Variants in NFXL1 observed in about 807,000 individuals in gnomAD.
NFXL1 encodes NF-X1-type zinc finger protein NFXL1.
In NFXL1, 66 loss-of-function variants were observed where a neutral mutation model predicts 123.3. That is an observed-to-expected ratio of 0.54 (90% CI 0.44 to 0.66). NFXL1 has a LOEUF of 0.66. Ranked by LOEUF, NFXL1 falls within the 30% of genes least tolerant of loss-of-function variation. The probability of loss-of-function intolerance (pLI) is 0.00; values close to 1 mark genes in which losing one functional copy is unlikely to be tolerated. For synonymous variants in NFXL1, 346 were observed against 360.8 expected (o/e 0.96, Z 0.46); for missense variants, 944 against 1,125.6 (o/e 0.84, Z 2.31).
intron 15 of NFXL1, among the ~76,000 whole-genome samples, chr4:47,880,807 TAAAA>T (rs57880960): frequency 9.1e-4 from 72 of 78,812 alleles, no homozygotes; most frequent in African/African-American, 3.0e-3. Flanking sequence ...AATTAATGAG[TAAAA>T]AAAAAAAAAA....
intron 18 of NFXL1, among the ~76,000 whole-genome samples, chr4:47,865,500 AAC>A (rs1491331206): frequency 0.066 from 4,953 of 74,674 alleles, 256 homozygotes; most frequent in African/African-American, 0.18. Flanking sequence ...AAAAAAAAAA[AAC>A]AACTCCTGAG....
chr4:47,884,146 A>G (rs948655645), intron 15 of NFXL1, among the ~76,000 whole-genome samples, 200 bp downstream of exon 15: 4 of 152,226 alleles, frequency 2.6e-5, no homozygotes, highest in Admixed American at 6.5e-5. Flanking sequence ...TCAAAAAAAG[A>G]TATCTATAGT....
At chr4:47,860,771 T>G (rs924098479) in intron 19 of NFXL1, among the ~76,000 whole-genome samples, 1 of 152,214 alleles carries the variant, frequency 6.6e-6, no homozygotes, top group Non-Finnish European at 1.5e-5. Flanking sequence ...GTATCACTAT[T>G]GCTTACTATT....
chr4:47,913,540 G>A (rs1737949022), intron 2 of NFXL1, among the ~76,000 whole-genome samples: 1 of 152,206 alleles, frequency 6.6e-6, no homozygotes, highest in Non-Finnish European at 1.5e-5. Flanking sequence ...TGACTCAGCC[G>A]AGCTGACTGT....
chr4:47,911,340 T>A (rs1737819610), intron 2 of NFXL1, among the ~76,000 whole-genome samples: 1 of 152,224 alleles, frequency 6.6e-6, no homozygotes, highest in Non-Finnish European at 1.5e-5. Context: ...TGTTTTAAAG[T>A]ACATTGTGCA....
intron 18 of NFXL1, among the ~76,000 whole-genome samples, chr4:47,869,585 T>A (rs1347986589): frequency 5.3e-5 from 8 of 152,154 alleles, no homozygotes; most frequent in Admixed American, 2.0e-4. Flanking sequence ...TATACATGAA[T>A]ATATGGAATA....
intron 17 of NFXL1, among the ~76,000 whole-genome samples, chr4:47,877,776 A>G (rs945439477): frequency 1.3e-5 from 2 of 152,122 alleles, no homozygotes; most frequent in Non-Finnish European, 2.9e-5. Flanking sequence ...TTTCAATAAC[A>G]TAAGTCATAT....
At chr4:47,866,513 T>C (rs1656839541) in intron 18 of NFXL1, among the ~76,000 whole-genome samples, 1 of 152,206 alleles carries the variant, frequency 6.6e-6, no homozygotes, top group Non-Finnish European at 1.5e-5. Context: ...CAAAGCCTTT[T>C]TGCTGATGAA....
intron 18 of NFXL1, among the ~76,000 whole-genome samples, chr4:47,863,806 C>T (rs1734899673): frequency 6.6e-6 from 1 of 152,074 alleles, no homozygotes; most frequent in African/African-American, 2.4e-5. Flanking sequence ...AAGGAATAAA[C>T]CTACTTTCCA....
intron 19 of NFXL1, 72 bp downstream of exon 19, chr4:47,862,774 A>C: frequency 1.1e-6 from 1 of 883,700 alleles, no homozygotes; most frequent in Non-Finnish European, 1.8e-6. Flanking sequence ...AATTTGACCA[A>C]ACAAGAAAAA....
At chr4:47,853,850 A>G (rs940419913) in intron 20 of NFXL1, among the ~76,000 whole-genome samples, 4 of 152,076 alleles carry the variant, frequency 2.6e-5, no homozygotes, top group Non-Finnish European at 5.9e-5. Context: ...CACTTTTTCC[A>G]TAAGTGATGA....
At chr4:47,905,209 A>G (rs376047154) in intron 4 of NFXL1, 28 bp downstream of exon 4, 2 of 936,446 alleles carry the variant, frequency 2.1e-6, no homozygotes, top group Non-Finnish European at 1.7e-6. Flanking sequence ...GGGGAGATAC[A>G]TTAATATAAA....
At chr4:47,881,944 T>C (rs1289262620) in intron 15 of NFXL1, among the ~76,000 whole-genome samples, 1 of 152,166 alleles carries the variant, frequency 6.6e-6, no homozygotes, top group Non-Finnish European at 1.5e-5. Context: ...AACTATTCTG[T>C]ATGAAACTAT....
chr4:47,910,506 C>T (rs1737776104), intron 3 of NFXL1, among the ~76,000 whole-genome samples: 1 of 152,006 alleles, frequency 6.6e-6, no homozygotes, highest in South Asian at 2.1e-4. Flanking sequence ...TCATCACAAC[C>T]AGAAAAAACT....
intron 19 of NFXL1, among the ~76,000 whole-genome samples, chr4:47,855,806 T>C (rs1451722764): frequency 1.3e-5 from 2 of 152,170 alleles, no homozygotes; most frequent in African/African-American, 2.4e-5. Flanking sequence ...AACTCAGTAA[T>C]TGCCATGATG....
chr4:47,879,747 G>A (rs1237685956), intron 15 of NFXL1, among the ~76,000 whole-genome samples: 1 of 152,172 alleles, frequency 6.6e-6, no homozygotes, highest in African/African-American at 2.4e-5. Flanking sequence ...GAAGAGAACA[G>A]AGAGACCAGA....
At chr4:47,867,295 G>A (rs575074565) in intron 18 of NFXL1, among the ~76,000 whole-genome samples, 28 of 151,796 alleles carry the variant, frequency 1.8e-4, no homozygotes, top group African/African-American at 6.3e-4. Context: ...ATTACAAGGT[G>A]CTCATGAAAG....
At chr4:47,878,722 TTATA>T (rs1403095237) in intron 16 of NFXL1, 57 bp from the exon 17 acceptor site, 1 of 1,303,658 alleles carries the variant, frequency 7.7e-7, no homozygotes, top group East Asian at 2.7e-5. Context: ...TCTGGACATA[TTATA>T]TGTTTCCAAA....
chr4:47,902,971 T>C (rs557726535), intron 5 of NFXL1, among the ~76,000 whole-genome samples: 1 of 152,242 alleles, frequency 6.6e-6, no homozygotes, highest in African/African-American at 2.4e-5. Flanking sequence ...CTGGCAGACA[T>C]GGTGAAACCC....
Sources: gnomAD v4.1 joint callset for allele counts (sites outside exome capture counted in the v4.1 genomes callset) on GRCh38, gnomAD v4.1.1 for gene constraint, MANE v1.5 for transcripts, NCBI Gene and HGNC (gene_info 2026-07-23, HGNC 2026-07-21) for gene names.